EEF2K: variants seen among roughly 807,000 people sequenced by gnomAD.
EEF2K encodes the protein eukaryotic elongation factor 2 kinase, also known as alternative protein EEF2K.
In EEF2K, 70 loss-of-function variants were observed where a neutral mutation model predicts 93.8. The ratio of observed to expected loss-of-function variants is 0.75; its 90% confidence interval spans 0.62 to 0.91. The LOEUF is 0.91. Ranked by LOEUF, EEF2K falls within the 40% of genes least tolerant of loss-of-function variation. The probability of loss-of-function intolerance (pLI) is 0.00; values close to 1 mark genes in which losing one functional copy is unlikely to be tolerated. For synonymous variants in EEF2K, 376 were observed against 380.8 expected, an observed-to-expected ratio of 0.99 and a Z score of 0.15; for missense variants, 935 against 972.9, an observed-to-expected ratio of 0.96 and a Z score of 0.52.
At chr16:22,235,980 T>C (rs1395246498) in intron 2 of EEF2K, among the ~76,000 whole-genome samples, 1 of 151,940 alleles carries the variant, frequency 6.6e-6, no homozygotes, top group East Asian at 1.9e-4. Context: ...GTATTTTTTT[T>C]TTTGTAGAAA....
chr16:22,215,430 G>A (rs1167034081), intron 1 of EEF2K, among the ~76,000 whole-genome samples: 1 of 152,190 alleles, frequency 6.6e-6, no homozygotes, highest in Admixed American at 6.6e-5. Context: ...AACTTGGGAA[G>A]CTGAGATGGC....
At chr16:22,243,673 G>A (rs1446454134) in intron 2 of EEF2K, among the ~76,000 whole-genome samples, 2 of 151,728 alleles carry the variant, frequency 1.3e-5, no homozygotes, top group Non-Finnish European at 2.9e-5. Flanking sequence ...TGTAATCCCA[G>A]CACTTTGGGA....
intron 1 of EEF2K, among the ~76,000 whole-genome samples, chr16:22,218,846 C>A (rs1029254834): frequency 5.3e-5 from 8 of 150,946 alleles, no homozygotes; most frequent in Admixed American, 5.3e-4. Context: ...GACTGGAGGC[C>A]GGGCGCAGTG....
chr16:22,233,966 A>G, intron 2 of EEF2K, among the ~76,000 whole-genome samples: 1 of 152,190 alleles, frequency 6.6e-6, no homozygotes, highest in East Asian at 1.9e-4. Context: ...TGGAAGCACC[A>G]TAATAAATGT....
intron 1 of EEF2K, among the ~76,000 whole-genome samples, chr16:22,208,080 T>A (rs551390324): frequency 6.6e-6 from 1 of 152,328 alleles, no homozygotes; most frequent in Admixed American, 6.5e-5. Flanking sequence ...ATGGCTGGGA[T>A]TGGCGTCCGC....
chr16:22,256,643 G>A, intron 6 of EEF2K, 105 bp from the exon 7 acceptor site: 1 of 1,387,418 alleles, frequency 7.2e-7, no homozygotes, highest in South Asian at 1.4e-5. Context: ...CATGGAGCCA[G>A]GGTCTGAGCC....
chr16:22,212,281 G>T (rs1406728843), intron 1 of EEF2K, among the ~76,000 whole-genome samples: 1 of 151,978 alleles, frequency 6.6e-6, no homozygotes, highest in Non-Finnish European at 1.5e-5. Flanking sequence ...TCTGGCTTCT[G>T]CAGCAGGTTG....
chr16:22,249,850 T>A (rs981200429), intron 4 of EEF2K, among the ~76,000 whole-genome samples: 2 of 151,866 alleles, frequency 1.3e-5, no homozygotes, highest in African/African-American at 4.8e-5. Flanking sequence ...GGTGCGATCT[T>A]GGCTCATCGC....
rs1382126071 is a variant in EEF2K at position 22,264,886 on chromosome 16, G to A, written c.1440+6G>A. ...GCCTGGGCAGCTCTGGACGGGTAAT[G>A]CGCCCTGAGGCACCCTTGTCTCTGC... is the stretch of plus-strand genomic sequence containing the variant. On this transcript the variant is annotated splice_donor_region_variant and intron_variant, in intron 13 of 17. Transcript: ENST00000263026. 1 of 1,614,002 alleles carries A rather than the reference G, an allele frequency of 6.2e-7. No homozygotes were observed. The highest frequency in any genetic ancestry group is 1.1e-5 in the South Asian group (1 of 91,076).
At chr16:22,266,005 G>T (rs2047513831) in intron 13 of EEF2K, among the ~76,000 whole-genome samples, 1 of 152,120 alleles carries the variant, frequency 6.6e-6, no homozygotes, top group African/African-American at 2.4e-5. Flanking sequence ...TTGAGCTGCT[G>T]AAATCTGTTC....
chr16:22,222,079 T>A (rs988379546), intron 1 of EEF2K, among the ~76,000 whole-genome samples: 2 of 152,118 alleles, frequency 1.3e-5, no homozygotes, highest in Non-Finnish European at 2.9e-5. Context: ...CAAAAAAAAT[T>A]AAAAAATTAA....
chr16:22,262,001 C>CCAAACACACACACACA (rs536921866), intron 11 of EEF2K, among the ~76,000 whole-genome samples: 5 of 138,114 alleles, frequency 3.6e-5, no homozygotes, highest in African/African-American at 1.3e-4. Flanking sequence ...TGAGACCCTG[C>CCAAACACACACACACA]CACACACACA....
At chr16:22,235,436 AT>A (rs1315416570) in intron 2 of EEF2K, among the ~76,000 whole-genome samples, 5 of 152,252 alleles carry the variant, frequency 3.3e-5, no homozygotes, top group African/African-American at 7.2e-5. Context: ...CTGTCAGCCC[AT>A]TGTATGGCTA....
At chr16:22,265,399 A>C (rs2047507271) in intron 13 of EEF2K, among the ~76,000 whole-genome samples, 1 of 151,946 alleles carries the variant, frequency 6.6e-6, no homozygotes, top group Non-Finnish European at 1.5e-5. Flanking sequence ...AGCCTTTACT[A>C]AGGCAAGTCT....
intron 15 of EEF2K, among the ~76,000 whole-genome samples, chr16:22,269,942 T>C (rs1013989220): frequency 6.6e-6 from 1 of 151,690 alleles, no homozygotes; most frequent in Non-Finnish European, 1.5e-5. Flanking sequence ...GGTATAGAGA[T>C]AGCTTCCTGA....
At chr16:22,230,596 A>G (rs1033479795) in intron 2 of EEF2K, among the ~76,000 whole-genome samples, 20 of 152,158 alleles carry the variant, frequency 1.3e-4, no homozygotes, top group Middle Eastern at 3.4e-3. Context: ...ATCATAGCTC[A>G]TTGCTGCCTT....
chr16:22,231,774 G>A (rs957869635), intron 2 of EEF2K, among the ~76,000 whole-genome samples: 10 of 151,682 alleles, frequency 6.6e-5, no homozygotes, highest in Admixed American at 1.3e-4. Flanking sequence ...GGTGGATCAC[G>A]AGGTCAGGAG....
chr16:22,221,644 G>A (rs888990448), intron 1 of EEF2K, among the ~76,000 whole-genome samples: 1 of 152,026 alleles, frequency 6.6e-6, no homozygotes, highest in East Asian at 1.9e-4. Context: ...TGCACCTGAT[G>A]GACAGCACTG....
intron 7 of EEF2K, 147 bp from the exon 8 acceptor site, chr16:22,257,106 C>A: frequency 7.0e-7 from 1 of 1,429,484 alleles, no homozygotes; most frequent in South Asian, 1.3e-5. Context: ...AGGTCCCTGC[C>A]CAACTGAAGA....
Sources: gnomAD v4.1 joint callset for allele counts (sites outside exome capture counted in the v4.1 genomes callset) on GRCh38, gnomAD v4.1.1 for gene constraint, MANE v1.5 for transcripts, NCBI Gene and HGNC (gene_info 2026-07-23, HGNC 2026-07-21) for gene names.